NBEAL1: variants seen among roughly 807,000 people sequenced by gnomAD.
The protein encoded by NBEAL1 is neurobeachin-like protein 1.
NBEAL1 carries 273 observed loss-of-function variants against 351.3 expected under a neutral mutation model. The observed-to-expected ratio is 0.78, with a 90% CI of 0.70 to 0.86. The LOEUF is 0.86. Among genes scored for constraint, NBEAL1 ranks in the 40% least tolerant of loss-of-function variants. NBEAL1 has a pLI of 0.00. For missense variants in NBEAL1, 2,961 were observed against 3,201.3 expected, an observed-to-expected ratio of 0.92 and a Z score of 1.81; for synonymous variants, 1,050 against 1,086.4, an observed-to-expected ratio of 0.97 and a Z score of 0.66.
intron 51 of NBEAL1, among the ~76,000 whole-genome samples, chr2:203,207,557 G>T (rs930291386): frequency 1.3e-5 from 2 of 152,246 alleles, no homozygotes; most frequent in African/African-American, 4.8e-5. Flanking sequence ...TTTTCATTTT[G>T]TTCTGTACTA....
At position 203,108,069 on chromosome 2, in the gene NBEAL1, G is replaced by A. The variant is rs955857556; in HGVS notation, c.1830G>A (p.Val610=). Residue 610 remains valine, a synonymous_variant, in exon 14 of 56, where the codon GTG becomes GTA. Transcript: ENST00000683969. ...CACATAGTATGGCAGGAATTTCTGT[G>A]CCTCCCATACAGAAATGGCCAGGGT... The part of the protein sequence containing the change: ...NLSHSMAGIS[V]PPIQKWPGSA... 13 of 1,552,264 alleles carry A rather than the reference G, an allele frequency of 8.4e-6. No individual in the cohort carries two copies. The Admixed American group carries it at 2.6e-4, about 30-fold the overall frequency.
At chr2:203,193,264 G>A (rs915925328) in intron 46 of NBEAL1, among the ~76,000 whole-genome samples, 2 of 151,976 alleles carry the variant, frequency 1.3e-5, no homozygotes, top group Non-Finnish European at 2.9e-5. Context: ...GAGCCAGCAC[G>A]CCCAGCCAGT....
rs185140861 is a variant in NBEAL1 at position 203,151,067 on chromosome 2, C to T, written c.5463-398C>T. On this transcript the variant is annotated intron_variant, in intron 34 of 55. Transcript: ENST00000683969. The stretch of plus-strand genomic sequence containing the variant: ...GCTAAATAGGCTGGGCATGGTGGCT[C>T]ACACCTGTAACCCCAGCACTTTGGG... Among the ~76,000 whole-genome samples, 819 of 152,328 alleles carry T rather than the reference C, an allele frequency of 5.4e-3. 11 individuals carry two copies. Among genetic ancestry groups the T allele is most frequent in the African/African-American group, 0.019 (772 of 41,574 alleles).
In NBEAL1 at chr2:203,149,061, A is replaced by G. The variant is rs2063581488; in HGVS notation, c.5375A>G (p.Gln1792Arg). 1.2e-6 allele frequency: 2 copies of G among 1,613,256 alleles called. No homozygotes were observed. Among genetic ancestry groups the G allele is most frequent in the African/African-American group, 2.7e-5 (2 of 75,002 alleles). Residue 1792 changes from glutamine (Q) to arginine (R), a missense_variant, in exon 34 of 56, where the codon CAA becomes CGA. Physicochemically the swap from Gln to Arg is conservative, Grantham distance 43 (BLOSUM62 1). Transcript: ENST00000683969. ...ENLRYNNMLKQLSSQQLATLR... is the reference protein window; with the variant it reads ...ENLRYNNMLKRLSSQQLATLR... ...CTGAGGTATAATAATATGCTTAAAC[A>G]ACTTAGCAGTCAACAGTTAGCCACT...
chr2:203,206,062 A>G (rs2065545317), intron 51 of NBEAL1, among the ~76,000 whole-genome samples: 1 of 152,244 alleles, frequency 6.6e-6, no homozygotes. Flanking sequence ...AGACATGAAG[A>G]AAGAGTCTTC....
At chr2:203,029,548 C>T (rs144901438) in intron 2 of NBEAL1, among the ~76,000 whole-genome samples, 189 of 152,112 alleles carry the variant, frequency 1.2e-3, no homozygotes, top group African/African-American at 4.4e-3. Flanking sequence ...AAAAATTAGC[C>T]GGGCACGATG....
chr2:203,119,424 C>CTTTTTTTCTTTTTTTTTTT (rs2062776789), intron 18 of NBEAL1, among the ~76,000 whole-genome samples: 1 of 66,656 alleles, frequency 1.5e-5, no homozygotes, highest in Non-Finnish European at 2.6e-5. Flanking sequence ...CGGCCTGTTG[C>CTTTTTTTCTTTTTTTTTTT]TTTTTTTTTT....
intron 10 of NBEAL1, among the ~76,000 whole-genome samples, chr2:203,094,941 G>A (rs545751297): frequency 6.6e-6 from 1 of 152,170 alleles, no homozygotes; most frequent in East Asian, 1.9e-4. Context: ...GACCAACATG[G>A]TGAAACCCCA....
chr2:203,031,861 T>C (rs922168560), intron 2 of NBEAL1, among the ~76,000 whole-genome samples: 1 of 152,226 alleles, frequency 6.6e-6, no homozygotes, highest in Non-Finnish European at 1.5e-5. Flanking sequence ...TTCTACCTCC[T>C]GGTATTCTAC....
chr2:203,122,758 T>C (rs2062857326), intron 19 of NBEAL1, among the ~76,000 whole-genome samples: 13 of 152,216 alleles, frequency 8.5e-5, no homozygotes, highest in Admixed American at 8.5e-4. Context: ...TCTACTTACT[T>C]TCCAAGACCA....
chr2:203,119,473 T>G (rs2062781058), intron 18 of NBEAL1, among the ~76,000 whole-genome samples: 1 of 129,770 alleles, frequency 7.7e-6, no homozygotes, highest in African/African-American at 2.8e-5. Flanking sequence ...GTTGCCAGGC[T>G]GGAGTGCAGT....
chr2:203,196,618 A>G (rs1009210511), intron 47 of NBEAL1, among the ~76,000 whole-genome samples: 2 of 152,232 alleles, frequency 1.3e-5, no homozygotes, highest in African/African-American at 2.4e-5. Flanking sequence ...ATAAATTATA[A>G]TGAATTTTAT....
At position 203,208,713 on chromosome 2, in the gene NBEAL1, G is replaced by A. The variant is rs1466493289; in HGVS notation, c.7583G>A (p.Gly2528Asp). ...CACACCAACGAGGTACTGAGTGTCG[G>A]CATCAGCACTGAGCTAGACATGGCA... ...YGHTNEVLSVGISTELDMAVS... is the reference protein window; with the variant it reads ...YGHTNEVLSVDISTELDMAVS... Residue 2528 changes from glycine (G) to aspartate (D), a missense_variant, in exon 52 of 56, where the codon GGC becomes GAC. Transcript: ENST00000683969. The A allele has an allele frequency of 6.2e-7, 1 of 1,611,982 alleles. No homozygotes were observed. Among genetic ancestry groups the A allele is most frequent in the Non-Finnish European group, 8.5e-7 (1 of 1,179,480 alleles).
intron 42 of NBEAL1, among the ~76,000 whole-genome samples, chr2:203,176,851 A>G (rs2064520407): frequency 6.6e-6 from 1 of 152,038 alleles, no homozygotes. Flanking sequence ...AAAGGTCACC[A>G]TCAAGAAAGT....
intron 48 of NBEAL1, among the ~76,000 whole-genome samples, chr2:203,199,008 T>A (rs560849859): frequency 3.3e-5 from 5 of 151,026 alleles, no homozygotes; most frequent in African/African-American, 1.2e-4. Flanking sequence ...GGCAACATGG[T>A]GAAACCATGT....
rs376246120 is a variant in NBEAL1, at chr2:203,157,878, C to T, written c.5714+53C>T. On this transcript the variant is annotated intron_variant, in intron 36 of 55. Coordinates refer to ENST00000683969, the MANE Select transcript of NBEAL1 (RefSeq NM_001378026.1). Reference sequence around the variant, plus strand: ...GTTCTGAGAAAGGGGATTGCAAAATCGTGGAAAAGATTTGCTTGAAATTCT... The same window carrying T: ...GTTCTGAGAAAGGGGATTGCAAAATTGTGGAAAAGATTTGCTTGAAATTCT... 9.1e-5 allele frequency: 125 copies of T among 1,368,120 alleles called. No individual in the cohort carries two copies. The East Asian group carries it at 1.2e-3, about 13-fold the overall frequency. The allele number at this position is 1,368,120 out of a possible 1,614,324, so 84.7% of individuals were successfully genotyped here.
intron 51 of NBEAL1, among the ~76,000 whole-genome samples, chr2:203,203,166 T>G (rs903187763): frequency 6.6e-6 from 1 of 152,026 alleles, no homozygotes; most frequent in African/African-American, 2.4e-5. Context: ...TTTTATTGAA[T>G]AGCTTCTGTT....
intron 2 of NBEAL1, among the ~76,000 whole-genome samples, chr2:203,030,385 C>T (rs1250230886): frequency 2.6e-5 from 4 of 152,074 alleles, no homozygotes; most frequent in African/African-American, 9.7e-5. Context: ...TTAGAAGAGG[C>T]TTCTGTTCTT....
intron 42 of NBEAL1, among the ~76,000 whole-genome samples, chr2:203,178,954 C>T (rs934733536): frequency 6.6e-6 from 1 of 152,172 alleles, no homozygotes; most frequent in Non-Finnish European, 1.5e-5. Context: ...CAAAACTATG[C>T]CTCTTCTTGA....
Sources: gnomAD v4.1 joint callset for allele counts (sites outside exome capture counted in the v4.1 genomes callset) on GRCh38, gnomAD v4.1.1 for gene constraint, MANE v1.5 for transcripts, NCBI Gene and HGNC (gene_info 2026-07-23, HGNC 2026-07-21) for gene names.